Variants in MOB3A observed in about 807,000 individuals in gnomAD.
MOB3A encodes the protein MOB LAK.
In MOB3A, 17 loss-of-function variants were observed where a neutral mutation model predicts 17.8. That is an observed-to-expected ratio of 0.95 (90% CI 0.65 to 1.43). The LOEUF (loss-of-function observed/expected upper bound fraction) is 1.43, where lower values mean the gene tolerates loss of function less well. Ranked by LOEUF, MOB3A falls within the 40% of genes most tolerant of loss-of-function variation. The pLI, the probability that MOB3A is intolerant of heterozygous loss-of-function variation, is 0.00. For synonymous variants in MOB3A, 124 were observed against 133.2 expected, an observed-to-expected ratio of 0.93 and a Z score of 0.48; for missense variants, 333 against 310.8, an observed-to-expected ratio of 1.07 and a Z score of -0.54.
chr19:2,081,536 C>T lies in MOB3A; in HGVS notation c.-119-2857G>A, dbSNP rs573458935. ...CCGGGGGACAAAGGTTGCAGTGAGC[C>T]GAGATCACACCATTGCACTCCAGCC... On this transcript the variant is annotated intron_variant, in intron 2 of 4. Transcript: ENST00000357066. Among the ~76,000 whole-genome samples, 11 of 150,172 alleles carry T rather than the reference C, an allele frequency of 7.3e-5. No homozygotes were observed. The East Asian group carries it at 7.9e-4, about 11-fold the overall frequency.
In MOB3A at chr19:2,073,565, G is replaced by A. The variant is rs2017367184; in HGVS notation, c.625-141C>T. On this transcript the variant is annotated intron_variant, in intron 4 of 4. Coordinates refer to ENST00000357066, the MANE Select transcript of MOB3A (RefSeq NM_130807.3). ...ACACCCAAACAACAAAAACCACACA[G>A]GCAATGGCACACCTGAGACCAGGGG... 10 of 1,069,128 alleles carry A rather than the reference G, an allele frequency of 9.4e-6. No individual in the cohort carries two copies. In the South Asian group the frequency reaches 1.3e-4, roughly 14 times the overall value. 66.2% of individuals were successfully genotyped at this position (1,069,128 alleles called of 1,614,324 possible). A position where few individuals can be genotyped will look rare whatever the true frequency, so the allele number is the denominator to read the frequency against.
chr19:2,078,090 A>G lies in MOB3A; in HGVS notation c.421+50T>C, dbSNP rs761641781. ...TGAGCCACTGTGCTCGGCCTCCCTG[A>G]CTTTTCTGGAAGGCTCTGTATCCCC... is the stretch of plus-strand genomic sequence containing the variant. On this transcript the variant is annotated intron_variant, in intron 3 of 4. Coordinates refer to ENST00000357066, the MANE Select transcript of MOB3A (RefSeq NM_130807.3). 4.0e-6 allele frequency: 6 copies of G among 1,497,018 alleles called. No homozygotes were observed. In the Admixed American group the frequency reaches 9.0e-5, roughly 22 times the overall value. 92.7% of individuals were successfully genotyped at this position (1,497,018 alleles called of 1,614,324 possible).
At chr19:2,084,291 G>C (rs981305756) in intron 2 of MOB3A, 3 of 390,390 alleles carry the variant, frequency 7.7e-6, no homozygotes, top group Admixed American at 6.0e-5. Context: ...TCAGGAGTTC[G>C]AGACCAGCCT....
Position 2,078,453 on chromosome 19 carries a change from C to A in MOB3A, c.108G>T (p.Gln36His). 1 of 1,613,296 alleles carries A rather than the reference C, an allele frequency of 6.2e-7. No homozygotes were observed. Among genetic ancestry groups the A allele is most frequent in the Non-Finnish European group, 8.5e-7 (1 of 1,179,432 alleles). The change falls in exon 3 of 5, where the codon CAG becomes CAT. Residue 36 changes from glutamine (Q) to histidine (H), a missense_variant. By Grantham distance (24) the Gln-to-His change is conservative. Transcript: ENST00000357066. Reference protein sequence around the residue: ...TQRFELHKKAQASLNAGLDLR... With the variant: ...TQRFELHKKAHASLNAGLDLR... Reference sequence around the variant, plus strand: ...GGTCCAGCCCGGCGTTCAGCGACGCCTGCGCCTTCTTGTGCAGCTCGAAGC... The same window carrying A: ...GGTCCAGCCCGGCGTTCAGCGACGCATGCGCCTTCTTGTGCAGCTCGAAGC...
At chr19:2,094,715 G>C (rs2017651626) in intron 1 of MOB3A, among the ~76,000 whole-genome samples, 1 of 152,256 alleles carries the variant, frequency 6.6e-6, no homozygotes, top group South Asian at 2.1e-4. Flanking sequence ...GCCTATGCAG[G>C]AGGCAACTCC....
chr19:2,084,871 G>A (rs1228867839), intron 2 of MOB3A, among the ~76,000 whole-genome samples: 1 of 152,040 alleles, frequency 6.6e-6, no homozygotes, highest in South Asian at 2.1e-4. Context: ...TTACAGGCGT[G>A]AGCCACCGTG....
intron 3 of MOB3A, 126 bp downstream of exon 3, chr19:2,078,014 G>T: frequency 9.9e-7 from 1 of 1,007,432 alleles, no homozygotes. Flanking sequence ...CAAACTCCTG[G>T]GCTCAAGCGA....
intron 1 of MOB3A, among the ~76,000 whole-genome samples, chr19:2,091,247 G>GACT (rs2017610410): frequency 6.6e-6 from 1 of 152,182 alleles, no homozygotes; most frequent in African/African-American, 2.4e-5. Context: ...ACCCAGAGGA[G>GACT]ACTTCTCATC....
intron 1 of MOB3A, among the ~76,000 whole-genome samples, chr19:2,094,448 A>G (rs2017647311): frequency 6.6e-6 from 1 of 152,228 alleles, no homozygotes. Context: ...AAAGGAAGTG[A>G]ATCCAGGAGA....
At position 2,077,102 on chromosome 19, in the gene MOB3A, G is replaced by A. The variant is rs565871026; in HGVS notation, c.422-89C>T. The A allele has an allele frequency of 1.6e-5, 19 of 1,217,822 alleles. No individual in the cohort carries two copies. The African/African-American group carries it at 2.9e-4, about 18-fold the overall frequency. The allele number at this position is 1,217,822 out of a possible 1,614,324, so 75.4% of individuals were successfully genotyped here. A position where few individuals can be genotyped will look rare whatever the true frequency, so the allele number is the denominator to read the frequency against. ...TCCTGGATGTGACAAGGGGCTTCCA[G>A]ACAGAAATTGCTGGCAGATCGGGCG... On this transcript the variant is annotated intron_variant, in intron 3 of 4. Coordinates refer to ENST00000357066, the MANE Select transcript of MOB3A (RefSeq NM_130807.3).
chr19:2,090,231 C>T (rs2017597989), intron 1 of MOB3A: 2 of 152,286 alleles, frequency 1.3e-5, no homozygotes, highest in Admixed American at 6.5e-5. Flanking sequence ...ACCCAGGTGT[C>T]CCAGCTCAGC....
In MOB3A at chr19:2,093,248, C is replaced by A. The variant is rs1282436828; in HGVS notation, c.-274+2978G>T. On this transcript the variant is annotated intron_variant, in intron 1 of 4. Transcript: ENST00000357066. This position sits in a 1 kb window ranked among gnomAD's most constrained non-coding sequence, Gnocchi z 4.6. ...TCTTGGCTCACTGCAAGCTCCGCCT[C>A]CCGGGTTCAAGTGATTCTCCTGCCT... 1.3e-5 allele frequency among the ~76,000 whole-genome samples: 2 copies of A among 152,126 alleles called. No individual in the cohort carries two copies. Among genetic ancestry groups the A allele is most frequent in the East Asian group, 3.9e-4 (2 of 5,168 alleles).
intron 4 of MOB3A, among the ~76,000 whole-genome samples, chr19:2,075,810 C>T (rs1403662832): frequency 3.3e-5 from 5 of 152,082 alleles, no homozygotes; most frequent in Non-Finnish European, 7.4e-5. Context: ...TGCAGAGGTA[C>T]CCGGCTGGCT....
chr19:2,089,059 C>A (rs543711591), intron 1 of MOB3A, among the ~76,000 whole-genome samples: 23 of 152,274 alleles, frequency 1.5e-4, no homozygotes, highest in African/African-American at 5.5e-4. Flanking sequence ...ATAAACTAAC[C>A]CTACAGGGGT....
chr19:2,081,397 G>T (rs1043575902), intron 2 of MOB3A, among the ~76,000 whole-genome samples: 1 of 151,778 alleles, frequency 6.6e-6, no homozygotes, highest in Non-Finnish European at 1.5e-5. Flanking sequence ...AGATCAGCCT[G>T]GCCAACATGG....
chr19:2,071,082 G>A lies in MOB3A; in HGVS notation c.*2313C>T, dbSNP rs963824048. ...TTTTATTCCGTATCTGGCTGGGGGA[G>A]GGTGGTCTCCGAGGTGGATGGAGTG... is the stretch of plus-strand genomic sequence containing the variant. On this transcript the variant is annotated 3_prime_UTR_variant, in exon 5 of 5. Coordinates refer to ENST00000357066, the MANE Select transcript of MOB3A (RefSeq NM_130807.3). The A allele has an allele frequency of 6.7e-6, 1 of 149,928 alleles. No individual in the cohort carries two copies. Among genetic ancestry groups the A allele is most frequent in the Non-Finnish European group, 1.5e-5 (1 of 68,044 alleles). 9.3% of individuals were successfully genotyped at this position (149,928 alleles called of 1,614,324 possible).
At chr19:2,095,898 C>T (rs1369645468) in intron 1 of MOB3A, among the ~76,000 whole-genome samples, 2 of 152,100 alleles carry the variant, frequency 1.3e-5, no homozygotes, top group African/African-American at 4.8e-5. Context: ...GTGCGCGCCA[C>T]CTCGTCCGGC....
rs751391985 is a variant in MOB3A at position 2,078,279 on chromosome 19, G to GC, written c.281dup (p.Lys96GlnfsTer3). On this transcript the variant is annotated frameshift_variant, in exon 3 of 5. Coordinates refer to ENST00000357066, the MANE Select transcript of MOB3A (RefSeq NM_130807.3). LOFTEE classifies it high-confidence loss of function. ...CCTGCCAGCGGTACTCATACTTGGG[G>GC]CCCCCCGACATGACGGGGCAGGACT... The GC allele has an allele frequency of 6.2e-7, 1 of 1,614,088 alleles. No homozygotes were observed. Among genetic ancestry groups the GC allele is most frequent in the South Asian group, 1.1e-5 (1 of 91,084 alleles).
chr19:2,075,036 T>C (rs1398029259), intron 4 of MOB3A, among the ~76,000 whole-genome samples: 1 of 150,750 alleles, frequency 6.6e-6, no homozygotes, highest in Non-Finnish European at 1.5e-5. Context: ...TCTTTTCTTT[T>C]TTTTTTTTTT....
Sources: allele counts gnomAD v4.1 joint callset (sites outside exome capture counted in the v4.1 genomes callset), GRCh38; gene constraint gnomAD v4.1.1; non-coding constraint Gnocchi (gnomAD v3.1); transcripts MANE v1.5; gene names NCBI Gene and HGNC (gene_info 2026-07-23, HGNC 2026-07-21).